The following MAP3K13 variants were observed in gnomAD, a reference collection of about 807,000 sequenced individuals.
MAP3K13 encodes the protein mitogen-activated protein kinase kinase kinase 13, also known as leucine zipper-bearing kinase.
Under a neutral mutation model 104.0 loss-of-function variants are expected in MAP3K13, and 52 were observed. That is an observed-to-expected ratio of 0.50 (90% CI 0.40 to 0.63). The LOEUF is 0.63. Ranked by LOEUF, MAP3K13 falls within the 20% of genes least tolerant of loss-of-function variation. The probability of loss-of-function intolerance (pLI) is 0.00; values close to 1 mark genes in which losing one functional copy is unlikely to be tolerated. For missense variants in MAP3K13, 914 were observed against 1,218.5 expected (o/e 0.75, Z 3.72); for synonymous variants, 394 against 442.2 (o/e 0.89, Z 1.37).
At chr3:185,438,551 T>C (rs968935878) in intron 3 of MAP3K13, among the ~76,000 whole-genome samples, 1 of 152,238 alleles carries the variant, frequency 6.6e-6, no homozygotes, top group African/African-American at 2.4e-5. Flanking sequence ...GTAAGTCATA[T>C]GTTATATTCA....
At position 185,429,002 on chromosome 3, in the gene MAP3K13, G is replaced by T. The variant is rs771421331; in HGVS notation, c.421G>T (p.Val141Leu). ...AGGACTATTTGGATGCTTAAGGCCT[G>T]TATGGAATATCATTGGGAAGGCATA... ...LEGLFGCLRP[V>L]WNIIGKAYST... The change falls in exon 2 of 14, where the codon GTA (valine) becomes TTA (leucine). Residue 141 changes from valine (V) to leucine (L), a missense_variant. Physicochemically the swap from Val to Leu is conservative, Grantham distance 32. Around this residue, in one of 3 missense-constraint regions of MAP3K13, gnomAD observed 175 missense variants for 321.3 expected, o/e 0.54. Transcript: ENST00000265026. 1 of 1,614,200 alleles carries T rather than the reference G, an allele frequency of 6.2e-7. No individual in the cohort carries two copies. The highest frequency in any genetic ancestry group is 1.1e-5 in the South Asian group (1 of 91,084).
At chr3:185,426,543 C>A (rs1013364343) in intron 1 of MAP3K13, among the ~76,000 whole-genome samples, 1 of 152,138 alleles carries the variant, frequency 6.6e-6, no homozygotes, top group African/African-American at 2.4e-5. Context: ...TATGGCTCCC[C>A]ATCACCTTCA....
At chr3:185,372,929 C>G (rs937538018) in intron 1 of MAP3K13, among the ~76,000 whole-genome samples, 12 of 152,200 alleles carry the variant, frequency 7.9e-5, no homozygotes, top group African/African-American at 2.7e-4. Flanking sequence ...GTACCTGAGA[C>G]TGTCCTGCTA....
intron 2 of MAP3K13, among the ~76,000 whole-genome samples, chr3:185,325,610 G>A (rs924347546): frequency 2.6e-5 from 4 of 152,206 alleles, no homozygotes; most frequent in African/African-American, 9.6e-5. Context: ...AGCTGAGAAG[G>A]TAAGAAGGAC....
rs555365583 is a variant in MAP3K13 at position 185,473,106 on chromosome 3, G to A, written c.1775G>A (p.Arg592Gln). ...TATCGAAGCAAACCACGCCACCGCC[G>A]AGGGAATAGCAGAGGCAGCCATAGT... ...SRYRSKPRHRRGNSRGSHSDF... is the reference protein window; with the variant it reads ...SRYRSKPRHRQGNSRGSHSDF... Residue 592 changes from arginine (R) to glutamine (Q), a missense_variant, in exon 11 of 14, where the codon CGA (arginine) becomes CAA (glutamine). This residue lies in a region of MAP3K13 where 583 missense variants were observed against 737.4 expected (regional missense o/e 0.79). Transcript: ENST00000265026. The surrounding 1 kb of genome is among the most constrained non-coding windows in gnomAD (Gnocchi z 4.9). 2.2e-5 allele frequency: 35 copies of A among 1,614,170 alleles called. No individual in the cohort carries two copies. Among genetic ancestry groups the A allele is most frequent in the Non-Finnish European group, 2.7e-5 (32 of 1,180,038 alleles).
At chr3:185,419,791 G>T (rs934611062) in intron 1 of MAP3K13, among the ~76,000 whole-genome samples, 5 of 151,998 alleles carry the variant, frequency 3.3e-5, no homozygotes, top group African/African-American at 9.7e-5. Flanking sequence ...TTTATGATAT[G>T]ATTTATGGAT....
chr3:185,297,505 CA>C (rs1332789306), intron 2 of MAP3K13, among the ~76,000 whole-genome samples: 2 of 152,132 alleles, frequency 1.3e-5, no homozygotes, highest in African/African-American at 4.8e-5. Flanking sequence ...GAGGACAAGG[CA>C]GGCAGATCAC....
At chr3:185,419,393 T>C in intron 1 of MAP3K13, among the ~76,000 whole-genome samples, 1 of 152,258 alleles carries the variant, frequency 6.6e-6, no homozygotes, top group East Asian at 1.9e-4. Flanking sequence ...TCATTTTTCA[T>C]ATCTGAAAAT....
intron 1 of MAP3K13, among the ~76,000 whole-genome samples, chr3:185,376,883 G>A (rs182165630): frequency 4.6e-5 from 7 of 152,260 alleles, no homozygotes; most frequent in African/African-American, 1.7e-4. Flanking sequence ...CTAAAGTAAT[G>A]GGGGCTGTCT....
chr3:185,392,921 G>A (rs1712155311), intron 1 of MAP3K13, among the ~76,000 whole-genome samples: 1 of 151,908 alleles, frequency 6.6e-6, no homozygotes, highest in Non-Finnish European at 1.5e-5. Context: ...GCCTGGTGGT[G>A]GGTGCCTGTA....
At chr3:185,323,374 T>C (rs1163490790) in intron 2 of MAP3K13, among the ~76,000 whole-genome samples, 1 of 151,194 alleles carries the variant, frequency 6.6e-6, no homozygotes, top group Admixed American at 6.6e-5. Context: ...TTTGCTCTTG[T>C]TGCCCAGGCC....
intron 1 of MAP3K13, among the ~76,000 whole-genome samples, chr3:185,377,268 A>T (rs1347202604): frequency 2.0e-5 from 3 of 152,176 alleles, no homozygotes; most frequent in Non-Finnish European, 4.4e-5. Context: ...ATCCTTTTAA[A>T]GCATGCTGTG....
At chr3:185,383,186 A>G (rs2108760806) in intron 1 of MAP3K13, among the ~76,000 whole-genome samples, 1 of 151,190 alleles carries the variant, frequency 6.6e-6, no homozygotes, top group South Asian at 2.1e-4. Context: ...TACAAAGGAC[A>G]TGAACTCATC....
intron 11 of MAP3K13, among the ~76,000 whole-genome samples, chr3:185,474,742 G>A (rs1718012474): frequency 6.6e-6 from 1 of 152,078 alleles, no homozygotes; most frequent in South Asian, 2.1e-4. Context: ...TGTTACCTGG[G>A]AAGCAGACTA....
At chr3:185,378,413 G>A (rs1724542556) in intron 1 of MAP3K13, among the ~76,000 whole-genome samples, 1 of 152,174 alleles carries the variant, frequency 6.6e-6, no homozygotes, top group Non-Finnish European at 1.5e-5. Flanking sequence ...AGAAAAAAGA[G>A]CACTAACCTT....
chr3:185,334,513 A>G (rs373780249), intron 2 of MAP3K13, among the ~76,000 whole-genome samples: 32 of 152,352 alleles, frequency 2.1e-4, no homozygotes, highest in African/African-American at 6.7e-4. Context: ...ATTCACACAT[A>G]TAAGGTCAAT....
In MAP3K13 at chr3:185,418,374, T is replaced by G; in HGVS notation, c.-85-10123T>G. 6.2e-7 allele frequency: 1 copy of G among 1,602,822 alleles called. No individual in the cohort carries two copies. Among genetic ancestry groups the G allele is most frequent in the South Asian group, 1.1e-5 (1 of 90,780 alleles). On this transcript the variant is annotated intron_variant, in intron 1 of 13. Transcript: ENST00000265026. The surrounding 1 kb of genome is among the most constrained non-coding windows in gnomAD (Gnocchi z 4.5). ...TACGATGACCTTTAGACATGACCAG[T>G]GCTGGTAGGGCTGAGGCAGCCAGGG...
chr3:185,409,301 G>A (rs1216558039), intron 1 of MAP3K13, among the ~76,000 whole-genome samples: 3 of 152,166 alleles, frequency 2.0e-5, no homozygotes, highest in Admixed American at 1.3e-4. Flanking sequence ...CCAGGAGGCG[G>A]AGGTCACAGT....
intron 1 of MAP3K13, among the ~76,000 whole-genome samples, chr3:185,393,589 G>C (rs1274555556): frequency 6.6e-6 from 1 of 151,884 alleles, no homozygotes; most frequent in Non-Finnish European, 1.5e-5. Flanking sequence ...CTCCTGAGTA[G>C]CTGGGACTAC....
Sources: allele counts gnomAD v4.1 joint callset (sites outside exome capture counted in the v4.1 genomes callset), GRCh38; gene constraint gnomAD v4.1.1; regional missense constraint gnomAD v4.1.1; non-coding constraint Gnocchi (gnomAD v3.1); transcripts MANE v1.5; gene names NCBI Gene and HGNC (gene_info 2026-07-23, HGNC 2026-07-21).